Variants in PRDM16 observed in about 807,000 individuals in gnomAD.
PRDM16 encodes the protein histone-lysine N-methyltransferase PRDM16.
In PRDM16, 23 loss-of-function variants were observed where a neutral mutation model predicts 110.6. The ratio of observed to expected loss-of-function variants is 0.21; its 90% CI spans 0.15 to 0.29. The LOEUF is 0.29. Ranked by LOEUF, PRDM16 falls within the 10% of genes least tolerant of loss-of-function variation. The pLI is 1.00. For missense variants in PRDM16, 1,615 were observed against 1,794.3 expected, an observed-to-expected ratio of 0.90 and a Z score of 1.81; for synonymous variants, 799 against 781.8, an observed-to-expected ratio of 1.02 and a Z score of -0.37.
chr1:3,145,531 G>A (rs1643631367), intron 1 of PRDM16, among the ~76,000 whole-genome samples: 1 of 152,184 alleles, frequency 6.6e-6, no homozygotes, highest in Non-Finnish European at 1.5e-5. Flanking sequence ...GGCTTCTCCC[G>A]AGAGTCCCCT....
chr1:3,297,292 T>A (rs2100378430), intron 3 of PRDM16, among the ~76,000 whole-genome samples: 1 of 150,864 alleles, frequency 6.6e-6, no homozygotes, highest in East Asian at 2.0e-4. Context: ...TTTTTTTTTT[T>A]TTTTTTTTTT....
intron 16 of PRDM16, among the ~76,000 whole-genome samples, chr1:3,432,514 G>A (rs2483244): frequency 0.19 from 28,787 of 152,140 alleles, 4,862 homozygotes; most frequent in East Asian, 0.51. Context: ...GGCTTTTCCC[G>A]GGGGAAGAGC....
At chr1:3,186,593 C>G in intron 2 of PRDM16, 119 bp downstream of exon 2, 1 of 633,464 alleles carries the variant, frequency 1.6e-6, no homozygotes, top group Non-Finnish European at 2.6e-6. Flanking sequence ...AGAGAGCGTT[C>G]AAATGTCACA....
At chr1:3,373,685 G>T (rs1007427097) in intron 3 of PRDM16, among the ~76,000 whole-genome samples, 12 of 152,192 alleles carry the variant, frequency 7.9e-5, no homozygotes. Context: ...TGCTGGGCAA[G>T]CGGGGCTGGG....
chr1:3,191,396 A>C (rs1036508772), intron 2 of PRDM16, among the ~76,000 whole-genome samples: 1 of 152,304 alleles, frequency 6.6e-6, no homozygotes, highest in Admixed American at 6.5e-5. Flanking sequence ...TGGGACCCCC[A>C]AGCCGGTGCC....
intron 3 of PRDM16, among the ~76,000 whole-genome samples, chr1:3,314,084 G>A (rs955136839): frequency 6.6e-6 from 1 of 151,156 alleles, no homozygotes; most frequent in Admixed American, 6.6e-5. Flanking sequence ...GGGGGGGGGC[G>A]GGAACATAAA....
Position 3,244,862 on chromosome 1 carries a change from G to A in PRDM16, c.438+725G>A, listed in dbSNP as rs986730022. On this transcript the variant is annotated intron_variant, in intron 3 of 16. Transcript: ENST00000270722. This position sits in a 1 kb window ranked among gnomAD's most constrained non-coding sequence, Gnocchi z 4.1. ...TGTTCAGCAGCCAGAACTCCTCTTCGACGGGATATGCATTGCCTGCACGCA... is the reference window on the plus strand; with the variant it reads ...TGTTCAGCAGCCAGAACTCCTCTTCAACGGGATATGCATTGCCTGCACGCA... Among the ~76,000 whole-genome samples the A allele has an allele frequency of 2.0e-5, 3 of 152,184 alleles. No homozygotes were observed. The highest frequency in any genetic ancestry group is 6.5e-5 in the Admixed American group (1 of 15,274).
chr1:3,169,058 G>T (rs1335151929), intron 1 of PRDM16, among the ~76,000 whole-genome samples: 1 of 152,210 alleles, frequency 6.6e-6, no homozygotes, highest in Admixed American at 6.5e-5. Flanking sequence ...GACGTCCTGA[G>T]ACCCTGTGCT....
At chr1:3,430,784 G>A (rs1638742637) in intron 14 of PRDM16, 88 bp from the exon 15 acceptor site, 7 of 1,484,022 alleles carry the variant, frequency 4.7e-6, no homozygotes, top group Non-Finnish European at 6.5e-6. Context: ...GGAGGCAGTG[G>A]GGGCAGAGCG....
chr1:3,223,816 G>A (rs964359417), intron 2 of PRDM16, among the ~76,000 whole-genome samples: 1 of 152,144 alleles, frequency 6.6e-6, no homozygotes, highest in Non-Finnish European at 1.5e-5. Flanking sequence ...ACCAGAGTGG[G>A]ACCAGCACAG....
rs570798003 is a variant in PRDM16 at position 3,163,322 on chromosome 1, C to T, written c.38-22803C>T. On this transcript the variant is annotated intron_variant, in intron 1 of 16. Coordinates refer to ENST00000270722, the MANE Select transcript of PRDM16 (RefSeq NM_022114.4). ...AGAGGGCTTTGGGAGAGGGGATGTC[C>T]GCAGAAGCCCCTGGCATGACCCCCT... is the stretch of plus-strand genomic sequence containing the variant. Among the ~76,000 whole-genome samples the T allele has an allele frequency of 2.2e-4, 30 of 133,596 alleles. 8 individuals are homozygous for T. Among genetic ancestry groups the T allele is most frequent in the Non-Finnish European group, 4.7e-4 (28 of 59,000 alleles). 87.6% of individuals were successfully genotyped at this position (133,596 alleles called of 152,430 possible). A position where few individuals can be genotyped will look rare whatever the true frequency, so the allele number is the denominator to read the frequency against.
At chr1:3,114,179 A>ACACACG (rs1553127232) in intron 1 of PRDM16, among the ~76,000 whole-genome samples, 2 of 70,064 alleles carry the variant, frequency 2.9e-5, no homozygotes, top group Admixed American at 3.2e-4. Flanking sequence ...ACACACGCAC[A>ACACACG]CACACGCACA....
intron 1 of PRDM16, among the ~76,000 whole-genome samples, chr1:3,117,296 G>A (rs1281639486): frequency 6.6e-6 from 1 of 152,198 alleles, no homozygotes; most frequent in African/African-American, 2.4e-5. Flanking sequence ...CAGCATCCTG[G>A]TGGTCATGGC....
At chr1:3,277,528 C>T (rs1273281014) in intron 3 of PRDM16, among the ~76,000 whole-genome samples, 3 of 152,338 alleles carry the variant, frequency 2.0e-5, no homozygotes, top group Non-Finnish European at 2.9e-5. Flanking sequence ...AGGCTGGCCC[C>T]GACCCTCTCC....
intron 4 of PRDM16, chr1:3,394,437 A>G: frequency 2.5e-6 from 1 of 401,434 alleles, no homozygotes; most frequent in Non-Finnish European, 4.8e-6. Flanking sequence ...GGAGTGCGGG[A>G]GGATGCCCGA....
chr1:3,394,146 G>T (rs1024230735), intron 4 of PRDM16, among the ~76,000 whole-genome samples: 2 of 152,186 alleles, frequency 1.3e-5, no homozygotes, highest in East Asian at 2.0e-4. Context: ...GTTTCCTTCC[G>T]CAGCGCCGCG....
chr1:3,292,168 T>C (rs1286238890), intron 3 of PRDM16, among the ~76,000 whole-genome samples: 1 of 152,210 alleles, frequency 6.6e-6, no homozygotes, highest in Non-Finnish European at 1.5e-5. Flanking sequence ...ACGGATTTAT[T>C]GAGGGGAGAG....
intron 1 of PRDM16, among the ~76,000 whole-genome samples, chr1:3,100,939 T>A (rs1172180265): frequency 7.0e-6 from 1 of 141,918 alleles, no homozygotes; most frequent in Non-Finnish European, 1.5e-5. Flanking sequence ...CTTGGTCATG[T>A]GGGTGCTGGC....
chr1:3,110,847 C>T (rs1479089265), intron 1 of PRDM16, among the ~76,000 whole-genome samples: 1 of 152,042 alleles, frequency 6.6e-6, no homozygotes, highest in Non-Finnish European at 1.5e-5. Flanking sequence ...TGCTTGGGGC[C>T]GGGATGAGGT....
Sources: allele counts gnomAD v4.1 joint callset (sites outside exome capture counted in the v4.1 genomes callset), GRCh38; gene constraint gnomAD v4.1.1; non-coding constraint Gnocchi (gnomAD v3.1); transcripts MANE v1.5; gene names NCBI Gene and HGNC (gene_info 2026-07-23, HGNC 2026-07-21).